TTN: variants seen among roughly 807,000 people sequenced by gnomAD.
TTN encodes titin.
In TTN, 1,525 loss-of-function variants were observed where a neutral mutation model predicts 3,223.0. The observed-to-expected ratio is 0.47, with a 90% confidence interval of 0.45 to 0.49. The LOEUF is 0.49. Ranked by LOEUF, TTN falls within the 20% of genes least tolerant of loss-of-function variation. The probability of loss-of-function intolerance (pLI) is 0.00; values close to 1 mark genes in which losing one functional copy is unlikely to be tolerated. For synonymous variants in TTN, 14,094 were observed against 15,161.0 expected (o/e 0.93, Z 5.17); for missense variants, 40,786 against 43,424.0 (o/e 0.94, Z 5.40).
chr2:178,644,730 T>TA, intron 217 of TTN, 114 bp from the exon 218 acceptor site: 1 of 776,568 alleles, frequency 1.3e-6, no homozygotes, highest in Non-Finnish European at 2.0e-6. Flanking sequence ...AAAGCATTAA[T>TA]AACAGCCAAG....
rs1170083550 is a variant in TTN at position 178,595,747 on chromosome 2, G to C, written c.57607C>G (p.Leu19203Val). ...TCATCTTCTGGAGAAAACCATGTCA[G>C]TTTGCAGGACTCATTGGTTAGGTTG... Reference protein sequence around the residue: ...AHNLTNESCKLTWFSPEDDGG... With the variant: ...AHNLTNESCKVTWFSPEDDGG... Residue 19203 changes from leucine to valine, a missense_variant, in exon 295 of 363, where the codon CTG (leucine) becomes GTG (valine). By Grantham distance (32) the Leu-to-Val change is conservative (BLOSUM62 1). Transcript: ENST00000589042. 6.2e-7 allele frequency: 1 copy of C among 1,609,508 alleles called. No homozygotes were observed. The highest frequency in any genetic ancestry group is 8.5e-7 in the Non-Finnish European group (1 of 1,178,058).
In TTN at chr2:178,729,034, T is replaced by C. The variant is rs72648951; in HGVS notation, c.19004A>G (p.Asp6335Gly). ...WLKDDQILDE[D>G]DNVYISFVDS... is the part of the protein sequence containing the mutation. Reference sequence around the variant, plus strand: ...CACAAATGAAATATAGACATTATCATCTTCATCAAGAATCTGATCATCCTT... The same window carrying C: ...CACAAATGAAATATAGACATTATCACCTTCATCAAGAATCTGATCATCCTT... The change falls in exon 65 of 363, where the codon GAT becomes GGT. Residue 6335 changes from aspartate to glycine, a missense_variant. Coordinates refer to ENST00000589042, the MANE Select transcript of TTN (RefSeq NM_001267550.2). 1.7e-3 allele frequency: 2,685 copies of C among 1,612,910 alleles called. 42 individuals carry two copies. The African/African-American group carries it at 0.031, about 19-fold the overall frequency.
rs751149532 is a variant in TTN at position 178,712,907 on chromosome 2, T to C, written c.27118A>G (p.Ser9040Gly). 6.2e-7 allele frequency: 1 copy of C among 1,613,358 alleles called. No individual in the cohort carries two copies. The change falls in exon 94 of 363, where the codon AGT (serine) becomes GGT (glycine). Residue 9040 changes from serine (S) to glycine (G), a missense_variant. Ser to Gly is a moderately conservative substitution (Grantham distance 56). Coordinates refer to ENST00000589042, the MANE Select transcript of TTN (RefSeq NM_001267550.2). ...AAAGGAGGTGTTCCTTTTACGATAC[T>C]TGTGAAAGTTACATTGGTCCCAGTT... is the stretch of plus-strand genomic sequence containing the variant. ...VLTGTNVTFT[S>G]IVKGTPPFSV...
At position 178,583,803 on chromosome 2, in the gene TTN, G is replaced by GA; in HGVS notation, c.65378dup (p.Val21794ArgfsTer9). On this transcript the variant is annotated frameshift_variant, in exon 312 of 363. Transcript: ENST00000589042. LOFTEE classifies it high-confidence loss of function. ...CACCAGGAAGTTTGCAAGCTTCTAC[G>GA]AAATAGCCAATAATTTTACTGCCTC... The GA allele has an allele frequency of 1.2e-6, 2 of 1,609,980 alleles. No homozygotes were observed. Among genetic ancestry groups the GA allele is most frequent in the Non-Finnish European group, 1.7e-6 (2 of 1,178,058 alleles).
Position 178,556,932 on chromosome 2 carries a change from A to T in TTN, c.88222T>A (p.Phe29408Ile). The change falls in exon 330 of 363, where the codon TTC becomes ATC. Residue 29408 changes from phenylalanine (F) to isoleucine (I), a missense_variant. By Grantham distance (21) the Phe-to-Ile change is conservative. Transcript: ENST00000589042. ...SGLTQNSQYEFRVFARNAVGS... is the reference protein window; with the variant it reads ...SGLTQNSQYEIRVFARNAVGS... ...ACAGCATTCCTAGCAAAGACACGGAATTCATACTGGGAATTCTGAGTCAAG... is the reference window on the plus strand; with the variant it reads ...ACAGCATTCCTAGCAAAGACACGGATTTCATACTGGGAATTCTGAGTCAAG... 6.2e-7 allele frequency: 1 copy of T among 1,613,846 alleles called. No individual in the cohort carries two copies. Among genetic ancestry groups the T allele is most frequent in the South Asian group, 1.1e-5 (1 of 91,080 alleles).
At position 178,570,645 on chromosome 2, in the gene TTN, T is replaced by C. The variant is rs879020274; in HGVS notation, c.75487A>G (p.Thr25163Ala). Reference sequence around the variant, plus strand: ...ACACTGAGACTGGTGGCAAAGTCGGTGCTCTTTATTTCTAATCGAGCTGTG... The same window carrying C: ...ACACTGAGACTGGTGGCAAAGTCGGCGCTCTTTATTTCTAATCGAGCTGTG... ...SNTARLEIKSTDFATSLSVKD... is the reference protein window; with the variant it reads ...SNTARLEIKSADFATSLSVKD... Residue 25163 changes from threonine (T) to alanine (A), a missense_variant, in exon 326 of 363, where the codon ACC (threonine) becomes GCC (alanine). By Grantham distance (58) the Thr-to-Ala change is moderately conservative (BLOSUM62 0). Transcript: ENST00000589042. 45 of 1,613,400 alleles carry C rather than the reference T, an allele frequency of 2.8e-5. No individual in the cohort carries two copies. Among genetic ancestry groups the C allele is most frequent in the Non-Finnish European group, 3.7e-5 (44 of 1,179,624 alleles).
At position 178,688,179 on chromosome 2, in the gene TTN, A is replaced by G. The variant is rs535089616; in HGVS notation, c.32243T>C (p.Val10748Ala). Residue 10748 changes from valine (V) to alanine (A), a missense_variant, in exon 127 of 363, where the codon GTG becomes GCG. Transcript: ENST00000589042. ...EWSYSEEEEG[V>A]SISVYREEER... is the part of the protein sequence containing the mutation. ...TTCTTCTCTATAAACTGAAATGGACACACCTTCCTCCTCTTCTGAGTAACT... is the reference window on the plus strand; with the variant it reads ...TTCTTCTCTATAAACTGAAATGGACGCACCTTCCTCCTCTTCTGAGTAACT... 5.6e-6 allele frequency: 9 copies of G among 1,612,986 alleles called. 1 individual carries two copies. The East Asian group carries it at 1.6e-4, about 28-fold the overall frequency.
chr2:178,660,788 G>C (rs1434938081), intron 180 of TTN, among the ~76,000 whole-genome samples: 24 of 152,156 alleles, frequency 1.6e-4, no homozygotes, highest in African/African-American at 5.8e-4. Flanking sequence ...ATCTGACGAA[G>C]GGCTAATATC....
Position 178,652,721 on chromosome 2 carries a change from T to G in TTN, c.38975A>C (p.Lys12992Thr). The change falls in exon 201 of 363, where the codon AAA becomes ACA. Residue 12992 changes from lysine to threonine, a missense_variant. Coordinates refer to ENST00000589042, the MANE Select transcript of TTN (RefSeq NM_001267550.2). ...CACTTTCTTTTCAGGAACAACCTCTTTGGGAGCCTCTGGTACTTAAAAGAT... is the reference window on the plus strand; with the variant it reads ...CACTTTCTTTTCAGGAACAACCTCTGTGGGAGCCTCTGGTACTTAAAAGAT... ...VPPVKVPEAP[K>T]EVVPEKKVPS... 6.2e-7 allele frequency: 1 copy of G among 1,604,572 alleles called. No homozygotes were observed. The highest frequency in any genetic ancestry group is 1.1e-5 in the South Asian group (1 of 90,568).
chr2:178,799,942 G>C, intron 4 of TTN, 32 bp from the exon 5 acceptor site: 1 of 1,604,238 alleles, frequency 6.2e-7, no homozygotes, highest in Non-Finnish European at 8.5e-7. Context: ...TGTTTGGGAG[G>C]GGGCACAATG....
In TTN at chr2:178,579,210, G is replaced by A. The variant is rs771603862; in HGVS notation, c.67820C>T (p.Thr22607Ile). ...VSVESSAVNT[T>I]LIVYDCQKSD... ...TTTTTGGCAATCGTACACTATAAGA[G>A]TTGTGTTAACCGCAGATGACTCAAC... Residue 22607 changes from threonine to isoleucine, a missense_variant, in exon 320 of 363, where the codon ACT (threonine) becomes ATT (isoleucine). Coordinates refer to ENST00000589042, the MANE Select transcript of TTN (RefSeq NM_001267550.2). The A allele has an allele frequency of 2.4e-5, 39 of 1,613,330 alleles. No individual in the cohort carries two copies. The South Asian group carries it at 2.9e-4, about 12-fold the overall frequency.
At chr2:178,790,543 T>A (rs1196167127) in intron 11 of TTN, among the ~76,000 whole-genome samples, 165 bp downstream of exon 11, 1 of 152,200 alleles carries the variant, frequency 6.6e-6, no homozygotes, top group Non-Finnish European at 1.5e-5. Flanking sequence ...AAGTTAGGAA[T>A]GAATTGACAG....
chr2:178,800,346 CA>C (rs1278873500), intron 4 of TTN, 48 bp downstream of exon 4: 1 of 1,612,346 alleles, frequency 6.2e-7, no homozygotes, highest in African/African-American at 1.3e-5. Flanking sequence ...CATTTAGACA[CA>C]AACCAGCTCT....
chr2:178,681,474 A>G, intron 136 of TTN, 24 bp from the exon 137 acceptor site: 1 of 1,578,452 alleles, frequency 6.3e-7, no homozygotes, highest in African/African-American at 1.4e-5. Flanking sequence ...ATATTAAGAG[A>G]TTTTAAAAAT....
rs1280526830 is a variant in TTN, at chr2:178,618,227, A to C, written c.47231T>G (p.Val15744Gly). ...ARNRVGTGEPVETDNPVEARS... is the reference protein window; with the variant it reads ...ARNRVGTGEPGETDNPVEARS... ...TGCTTCTACAGGATTGTCAGTTTCTACTGGCTCACCAGTGCCAACTCTGTT... is the reference window on the plus strand; with the variant it reads ...TGCTTCTACAGGATTGTCAGTTTCTCCTGGCTCACCAGTGCCAACTCTGTT... The change falls in exon 252 of 363, where the codon GTA (valine) becomes GGA (glycine). Residue 15744 changes from valine to glycine, a missense_variant. Val to Gly is a moderately radical substitution (Grantham distance 109). Transcript: ENST00000589042. The C allele has an allele frequency of 6.2e-7, 1 of 1,612,664 alleles. No homozygotes were observed. The highest frequency in any genetic ancestry group is 1.3e-5 in the African/African-American group (1 of 74,818).
chr2:178,793,232 C>A (rs1453255889), intron 9 of TTN, among the ~76,000 whole-genome samples, 172 bp downstream of exon 9: 1 of 152,208 alleles, frequency 6.6e-6, no homozygotes, highest in African/African-American at 2.4e-5. Flanking sequence ...TTCAGGGACA[C>A]TACCAAACTT....
In TTN at chr2:178,567,864, C is replaced by T. The variant is rs1197356544; in HGVS notation, c.78268G>A (p.Asp26090Asn). Reference sequence around the variant, plus strand: ...ATTGGTTCTGGGGTTCCTGGTGGGTCACAGGGATCTCTGGCTACATAGCAT... The same window carrying T: ...ATTGGTTCTGGGGTTCCTGGTGGGTTACAGGGATCTCTGGCTACATAGCAT... ...SECYVARDPC[D>N]PPGTPEPIMV... The change falls in exon 326 of 363, where the codon GAC becomes AAC. Residue 26090 changes from aspartate to asparagine, a missense_variant. By Grantham distance (23) the Asp-to-Asn change is conservative. Coordinates refer to ENST00000589042, the MANE Select transcript of TTN (RefSeq NM_001267550.2). 6.2e-6 allele frequency: 10 copies of T among 1,613,408 alleles called. No individual in the cohort carries two copies. In the South Asian group the frequency reaches 1.1e-4, roughly 18 times the overall value.
At position 178,584,364 on chromosome 2, in the gene TTN, C is replaced by T. The variant is rs397517660; in HGVS notation, c.65187G>A (p.Glu21729=). 113 of 1,613,242 alleles carry T rather than the reference C, an allele frequency of 7.0e-5. No individual in the cohort carries two copies. The South Asian group carries it at 1.2e-3, about 17-fold the overall frequency. Residue 21729 remains glutamate (E), a synonymous_variant, in exon 311 of 363, where the codon GAG becomes GAA. Transcript: ENST00000589042. ...TTAGGGCATAGATTCTGAATGAATA[C>T]TCAAGACCTTCTACAAGGCCAGCAC... ...YPCAGLVEGL[E]YSFRIYALNK... is the part of the protein sequence containing the mutation.
At position 178,782,223 on chromosome 2, in the gene TTN, G is replaced by A. The variant is rs2154349644; in HGVS notation, c.3369C>T (p.Thr1123=). ...AGCCATCAAAATACCTGTATCCAGT[G>A]GTTAGAGGAACACCAGATTTTTTCC... ...VYWKKSGVPL[T]TGYRYKVSYN... is the part of the protein sequence containing the mutation. The change falls in exon 20 of 363, where the codon ACC becomes ACT. Residue 1123 remains threonine, a synonymous_variant. Coordinates refer to ENST00000589042, the MANE Select transcript of TTN (RefSeq NM_001267550.2). 1.2e-6 allele frequency: 2 copies of A among 1,614,092 alleles called. No individual in the cohort carries two copies. Among genetic ancestry groups the A allele is most frequent in the South Asian group, 1.1e-5 (1 of 91,070 alleles).
Sources: allele counts gnomAD v4.1 joint callset (sites outside exome capture counted in the v4.1 genomes callset), GRCh38; gene constraint gnomAD v4.1.1; transcripts MANE v1.5; gene names NCBI Gene and HGNC (gene_info 2026-07-23, HGNC 2026-07-21).